Variants in CCDC30 observed in about 807,000 individuals in gnomAD.
CCDC30 encodes the protein coiled-coil domain-containing protein 30.
A neutral mutation model predicts 100.2 loss-of-function variants in CCDC30; 70 were observed. The ratio of observed to expected loss-of-function variants is 0.70; its 90% CI spans 0.58 to 0.85. The LOEUF (loss-of-function observed/expected upper bound fraction) is 0.85. Ranked by LOEUF, CCDC30 falls within the 40% of genes least tolerant of loss-of-function variation. The pLI is 0.00. For missense variants in CCDC30, 652 were observed against 771.2 expected (o/e 0.85, Z 1.83); for synonymous variants, 233 against 269.5 (o/e 0.86, Z 1.33).
chr1:42,491,876 G>T, intron 4 of CCDC30: 1 of 416,020 alleles, frequency 2.4e-6, no homozygotes, highest in Non-Finnish European at 4.5e-6. Context: ...ATATTGGAGA[G>T]ACGCTAGTCA....
At chr1:42,482,684 A>G in exon 3 of CCDC30, 4 of 1,234,082 alleles carry the variant, frequency 3.2e-6, no homozygotes, top group South Asian at 4.1e-5. Flanking sequence ...AGACCTGGAA[A>G]AAGACAAAAC....
intron 1 of CCDC30, 91 bp from the exon 2 acceptor site, chr1:42,480,370 C>G (rs1387407246): frequency 1.3e-5 from 2 of 151,796 alleles, no homozygotes; most frequent in Non-Finnish European, 2.9e-5. Flanking sequence ...TATATATTGA[C>G]CTTATATCTA....
At chr1:42,508,887 A>G (rs940332044) in intron 6 of CCDC30, among the ~76,000 whole-genome samples, 14 of 152,208 alleles carry the variant, frequency 9.2e-5, no homozygotes, top group African/African-American at 3.4e-4. Context: ...TTTTTAAAAT[A>G]TACCCTTGCT....
chr1:42,477,214 T>C (rs928586187), intron 1 of CCDC30, among the ~76,000 whole-genome samples: 2 of 151,990 alleles, frequency 1.3e-5, no homozygotes, highest in African/African-American at 4.8e-5. Flanking sequence ...TATGTCCTAC[T>C]GCCAACATGT....
chr1:42,654,256 G>T, downstream of CCDC30: 1 of 487,412 alleles, frequency 2.1e-6, no homozygotes, highest in Non-Finnish European at 3.6e-6. Context: ...TTAGTTCAAT[G>T]ATTTATTTAG....
At chr1:42,457,244 C>T in the CCDC30 span, 1 of 1,614,070 alleles carries the variant, frequency 6.2e-7, no homozygotes, top group South Asian at 1.1e-5. Context: ...TTTCTCTTTG[C>T]AGGCCCTTCT....
chr1:42,469,630 G>A (rs1001073181), intron 1 of CCDC30, among the ~76,000 whole-genome samples: 9 of 152,304 alleles, frequency 5.9e-5, no homozygotes, highest in Admixed American at 2.0e-4. Context: ...GAAGCAGTAT[G>A]GGATGGGGCC....
intron 6 of CCDC30, among the ~76,000 whole-genome samples, chr1:42,533,246 T>TA (rs922303688): frequency 1.6e-4 from 24 of 152,170 alleles, no homozygotes; most frequent in African/African-American, 5.3e-4. Context: ...GTCAGTTTTT[T>TA]AAAAAATAAG....
chr1:42,553,599 T>C (rs1353088409), intron 6 of CCDC30, among the ~76,000 whole-genome samples: 5 of 149,748 alleles, frequency 3.3e-5, no homozygotes, highest in Non-Finnish European at 3.0e-5. Context: ...AAGGCTGCAG[T>C]GAGCTATGAT....
At chr1:42,556,650 C>G (rs1395053961) in intron 6 of CCDC30, among the ~76,000 whole-genome samples, 2 of 152,062 alleles carry the variant, frequency 1.3e-5, no homozygotes, top group East Asian at 3.8e-4. Context: ...ACAAACAATC[C>G]AGGTACACTC....
upstream of CCDC30, among the ~76,000 whole-genome samples, chr1:42,458,446 T>A (rs1179350007): frequency 6.6e-6 from 1 of 152,176 alleles, no homozygotes; most frequent in Non-Finnish European, 1.5e-5. Flanking sequence ...TTGCCGACTT[T>A]GTAGAATAGT....
At chr1:42,504,421 C>T (rs550921455) in intron 6 of CCDC30, among the ~76,000 whole-genome samples, 3 of 152,242 alleles carry the variant, frequency 2.0e-5, no homozygotes, top group Non-Finnish European at 2.9e-5. Flanking sequence ...CTACTTTCTG[C>T]AGAAAAGGGG....
upstream of CCDC30, among the ~76,000 whole-genome samples, chr1:42,461,423 ACTC>A (rs1259112534): frequency 4.0e-5 from 6 of 151,754 alleles, no homozygotes; most frequent in East Asian, 1.2e-3. Context: ...GTAATCTTGA[ACTC>A]CTGGACTCAA....
intron 6 of CCDC30, among the ~76,000 whole-genome samples, chr1:42,544,624 T>G (rs998377375): frequency 1.3e-5 from 2 of 152,156 alleles, no homozygotes; most frequent in East Asian, 3.9e-4. Context: ...AAGCCATTTT[T>G]CCATCTCAGC....
At position 42,487,243 on chromosome 1, in the gene CCDC30, G is replaced by A. The variant is rs976512807; in HGVS notation, c.170-2915G>A. ...AAATGTTCTAAAATTAGATTGCGAT[G>A]GTTGCATACCTGTAGGTATACTAAA... On this transcript the variant is annotated intron_variant, in intron 3 of 16. Coordinates refer to ENST00000668663, the Ensembl canonical transcript of CCDC30. Among the ~76,000 whole-genome samples, 9 of 152,122 alleles carry A rather than the reference G, an allele frequency of 5.9e-5. No homozygotes were observed. In the South Asian group the frequency reaches 1.9e-3, roughly 32 times the overall value.
In CCDC30 at chr1:42,549,649, T is replaced by C. The variant is rs993886863; in HGVS notation, c.457-16647T>C. On this transcript the variant is annotated intron_variant, in intron 6 of 16. Transcript: ENST00000668663. The stretch of plus-strand genomic sequence containing the variant: ...CTCTTGTTCTTGACTATGTCTCCAG[T>C]GTCTAGAACAATGCCAGACACATAG... 2.6e-5 allele frequency among the ~76,000 whole-genome samples: 4 copies of C among 152,316 alleles called. No homozygotes were observed. The South Asian group carries it at 8.3e-4, about 32-fold the overall frequency.
intron 9 of CCDC30, among the ~76,000 whole-genome samples, chr1:42,586,870 C>T (rs1184458713): frequency 6.6e-6 from 1 of 152,194 alleles, no homozygotes; most frequent in African/African-American, 2.4e-5. Flanking sequence ...GGAGTCTTAT[C>T]AGTACACCAA....
intron 6 of CCDC30, chr1:42,510,032 A>G: frequency 2.0e-6 from 2 of 982,300 alleles, no homozygotes; most frequent in Non-Finnish European, 2.4e-6. Context: ...AAGGAAGGAA[A>G]AATACCATAG....
exon 15 of CCDC30, chr1:42,646,227 T>C (rs956241620): frequency 1.3e-6 from 2 of 1,563,258 alleles, no homozygotes; most frequent in African/African-American, 2.7e-5. Flanking sequence ...TATACAGCAC[T>C]GAGGTCTTCA....
Sources: allele counts gnomAD v4.1 joint callset (sites outside exome capture counted in the v4.1 genomes callset), GRCh38; gene constraint gnomAD v4.1.1; transcripts MANE v1.5; gene names NCBI Gene and HGNC (gene_info 2026-07-23, HGNC 2026-07-21).